The following SMURF2 variants were observed in gnomAD, a reference collection of about 807,000 sequenced individuals.
The protein encoded by SMURF2 is SMAD specific E3 ubiquitin protein ligase 2.
SMURF2 carries 48 observed loss-of-function variants against 109.6 expected under a neutral mutation model. The observed-to-expected ratio is 0.44, with a 90% CI of 0.35 to 0.56. SMURF2 has a LOEUF of 0.56. SMURF2 is among the 20% of genes least tolerant of loss of function. The pLI is 0.01. For synonymous variants in SMURF2, 288 were observed against 317.1 expected (o/e 0.91, Z 0.97); for missense variants, 575 against 909.0 (o/e 0.63, Z 4.72).
chr17:64,650,940 G>A (rs1044266645), intron 1 of SMURF2, among the ~76,000 whole-genome samples: 11 of 147,074 alleles, frequency 7.5e-5, no homozygotes, highest in African/African-American at 2.0e-4. Context: ...GGCTGGGCGC[G>A]GCGGCTCACG....
chr17:64,606,022 C>A (rs1377427181), intron 2 of SMURF2, among the ~76,000 whole-genome samples: 6 of 150,508 alleles, frequency 4.0e-5, no homozygotes, highest in Non-Finnish European at 8.9e-5. Flanking sequence ...ACTTCCCAAT[C>A]CCCTCTCATA....
In SMURF2 at chr17:64,577,494, G is replaced by C. The variant is rs1969510739; in HGVS notation, c.857+998C>G. 2.0e-5 allele frequency among the ~76,000 whole-genome samples: 3 copies of C among 150,594 alleles called. No individual in the cohort carries two copies. The Admixed American group carries it at 2.0e-4, about 10-fold the overall frequency. ...GGTGCAGCACACCAACATGGCACAT[G>C]TATACATATGTAACAAACCTGCACG... On this transcript the variant is annotated intron_variant, in intron 9 of 18. Transcript: ENST00000262435.
chr17:64,582,901 TA>T (rs1249709611), intron 7 of SMURF2, among the ~76,000 whole-genome samples: 2 of 148,186 alleles, frequency 1.3e-5, no homozygotes, highest in African/African-American at 2.6e-5. Flanking sequence ...GCTTGGCCAA[TA>T]TTTTTTTTTT....
At chr17:64,652,255 ATC>A (rs1555693573) in intron 1 of SMURF2, among the ~76,000 whole-genome samples, 1 of 152,256 alleles carries the variant, frequency 6.6e-6, no homozygotes, top group East Asian at 1.9e-4. Context: ...TAAAAATAAT[ATC>A]TGTCACAGAT....
At position 64,584,210 on chromosome 17, in the gene SMURF2, C is replaced by T. The variant is rs535401622; in HGVS notation, c.486-666G>A. 1.2e-4 allele frequency among the ~76,000 whole-genome samples: 18 copies of T among 148,364 alleles called. No individual in the cohort carries two copies. The South Asian group carries it at 4.0e-3, about 33-fold the overall frequency. On this transcript the variant is annotated intron_variant, in intron 6 of 18. Transcript: ENST00000262435. The stretch of plus-strand genomic sequence containing the variant: ...GCATGCGCCTGTAATCCCAGCTACT[C>T]GGGAGGTTGAGGCAGGAGAATTGCT...
At chr17:64,645,490 C>T (rs1398175429) in intron 1 of SMURF2, among the ~76,000 whole-genome samples, 1 of 152,138 alleles carries the variant, frequency 6.6e-6, no homozygotes, top group East Asian at 1.9e-4. Flanking sequence ...GAGTTTAAGG[C>T]TGCAGTGTGT....
chr17:64,545,835 T>C lies in SMURF2; in HGVS notation c.*13A>G. On this transcript the variant is annotated 3_prime_UTR_variant, in exon 19 of 19. Transcript: ENST00000262435. ...TTGTATAAATAGAGTCCTGGGTAAA[T>C]CCTTGAAGCTTGTCATTCCACAGCA... 1 of 1,507,856 alleles carries C rather than the reference T, an allele frequency of 6.6e-7. No individual in the cohort carries two copies. Among genetic ancestry groups the C allele is most frequent in the East Asian group, 2.3e-5 (1 of 43,296 alleles). The allele number at this position is 1,507,856 out of a possible 1,614,324, so 93.4% of individuals were successfully genotyped here. A position where few individuals can be genotyped will look rare whatever the true frequency, so the allele number is the denominator to read the frequency against.
At chr17:64,628,027 A>G (rs1266702985) in intron 1 of SMURF2, among the ~76,000 whole-genome samples, 2 of 152,208 alleles carry the variant, frequency 1.3e-5, no homozygotes, top group African/African-American at 4.8e-5. Flanking sequence ...CACAGATCAT[A>G]TGACTGAGCC....
chr17:64,636,299 T>C (rs1970415404), intron 1 of SMURF2, among the ~76,000 whole-genome samples: 1 of 152,126 alleles, frequency 6.6e-6, no homozygotes, highest in Non-Finnish European at 1.5e-5. Flanking sequence ...CCTTTTATTG[T>C]TGAGTTTTAA....
chr17:64,615,714 C>T (rs1208999531), intron 1 of SMURF2, among the ~76,000 whole-genome samples: 2 of 152,022 alleles, frequency 1.3e-5, no homozygotes, highest in Non-Finnish European at 2.9e-5. Flanking sequence ...AAATATATCA[C>T]ATATAATTCT....
chr17:64,547,038 C>T lies in SMURF2; in HGVS notation c.2071+562G>A, dbSNP rs117056109. On this transcript the variant is annotated intron_variant, in intron 17 of 18. Coordinates refer to ENST00000262435, the MANE Select transcript of SMURF2 (RefSeq NM_022739.4). The surrounding 1 kb of genome is among the most constrained non-coding windows in gnomAD (Gnocchi z 4.2). ...AGGAAGCAACTGCCACCCAGTGAAG[C>T]ACCACAATCATTAGCAATATTACCA... Among the ~76,000 whole-genome samples the T allele has an allele frequency of 0.017, 2,613 of 152,338 alleles. 27 individuals are homozygous for T. The highest frequency in any genetic ancestry group is 0.053 in the South Asian group (257 of 4,830).
At chr17:64,603,210 C>T (rs577521858) in intron 2 of SMURF2, among the ~76,000 whole-genome samples, 1 of 151,514 alleles carries the variant, frequency 6.6e-6, no homozygotes, top group East Asian at 1.9e-4. Context: ...TTACCTTACA[C>T]AGAAATCTTT....
chr17:64,587,007 C>CA (rs1413339088), intron 5 of SMURF2, among the ~76,000 whole-genome samples: 3 of 151,606 alleles, frequency 2.0e-5, no homozygotes, highest in Non-Finnish European at 2.9e-5. Flanking sequence ...CTACAAAATA[C>CA]AAAAAATTAG....
intron 3 of SMURF2, among the ~76,000 whole-genome samples, chr17:64,596,581 T>TA (rs1568188643): frequency 2.9e-4 from 7 of 23,774 alleles, no homozygotes; most frequent in South Asian, 9.1e-4. Context: ...AACAGGAGAG[T>TA]AAACAAAAAA....
At chr17:64,554,446 G>A (rs561734586) in intron 15 of SMURF2, among the ~76,000 whole-genome samples, 18 of 152,312 alleles carry the variant, frequency 1.2e-4, no homozygotes, top group African/African-American at 3.8e-4. Flanking sequence ...TGGGGAGAGG[G>A]AGTGGTCATG....
Position 64,562,874 on chromosome 17 carries a change from C to T in SMURF2, c.1109G>A (p.Arg370Gln), listed in dbSNP as rs1555684658. The T allele has an allele frequency of 1.2e-6, 2 of 1,614,160 alleles. No homozygotes were observed. Among genetic ancestry groups the T allele is most frequent in the South Asian group, 1.1e-5 (1 of 91,088 alleles). ...AATTTTTAGTTTCTGAACCAGGTCT[C>T]GCTTGTACCTTGGGACTGTCAGGCA... ...TECLTVPRYK[R>Q]DLVQKLKILR... The change falls in exon 11 of 19, where the codon CGA becomes CAA. Residue 370 changes from arginine (R) to glutamine (Q), a missense_variant. Arg to Gln is a conservative substitution (Grantham distance 43). This residue lies in a region of SMURF2 where 361 missense variants were observed against 612.1 expected (regional missense o/e 0.59). Transcript: ENST00000262435.
intron 9 of SMURF2, among the ~76,000 whole-genome samples, chr17:64,576,867 T>C (rs1253017284): frequency 6.7e-6 from 1 of 150,176 alleles, no homozygotes; most frequent in Non-Finnish European, 1.5e-5. Flanking sequence ...ATTTTCTTTT[T>C]CTATCCTTTT....
intron 2 of SMURF2, among the ~76,000 whole-genome samples, chr17:64,606,191 C>T (rs1420008550): frequency 2.0e-5 from 3 of 152,140 alleles, no homozygotes; most frequent in African/African-American, 7.2e-5. Flanking sequence ...AAATTCCAAG[C>T]AGGCTCAATG....
At chr17:64,660,137 A>G (rs1219774459) in intron 1 of SMURF2, among the ~76,000 whole-genome samples, 2 of 152,206 alleles carry the variant, frequency 1.3e-5, no homozygotes, top group East Asian at 3.8e-4. Flanking sequence ...AAGATCTATT[A>G]AGTCATACTA....
Sources: allele counts gnomAD v4.1 joint callset (sites outside exome capture counted in the v4.1 genomes callset), GRCh38; gene constraint gnomAD v4.1.1; regional missense constraint gnomAD v4.1.1; non-coding constraint Gnocchi (gnomAD v3.1); transcripts MANE v1.5; gene names NCBI Gene and HGNC (gene_info 2026-07-23, HGNC 2026-07-21).